Variants in KCNN2 observed in about 807,000 individuals in gnomAD.
KCNN2 encodes the protein potassium calcium-activated channel subfamily N member 2.
In KCNN2, 24 loss-of-function variants were observed where a neutral mutation model predicts 55.5. The observed-to-expected ratio is 0.43, with a 90% CI of 0.31 to 0.61. The LOEUF (loss-of-function observed/expected upper bound fraction) is 0.61. Among genes scored for constraint, KCNN2 ranks in the 20% least tolerant of loss-of-function variants. The probability of loss-of-function intolerance (pLI) is 0.08; values close to 1 mark genes in which losing one functional copy is unlikely to be tolerated. For synonymous variants in KCNN2, 431 were observed against 336.1 expected (o/e 1.28, Z -3.09); for missense variants, 754 against 853.6 (o/e 0.88, Z 1.45).
chr5:114,264,923 A>G (rs141900110), intron 2 of KCNN2, among the ~76,000 whole-genome samples: 135 of 152,196 alleles, frequency 8.9e-4, no homozygotes, highest in South Asian at 6.0e-3. Context: ...GGTAAATTTT[A>G]CCTATTGCCT....
intron 1 of KCNN2, among the ~76,000 whole-genome samples, chr5:114,162,130 GT>G (rs1752799377): frequency 6.6e-6 from 1 of 152,124 alleles, no homozygotes; most frequent in African/African-American, 2.4e-5. Flanking sequence ...CATCTTTGTG[GT>G]TTTATCTACC....
intron 1 of KCNN2, among the ~76,000 whole-genome samples, chr5:114,168,533 G>C (rs947274534): frequency 2.6e-5 from 4 of 151,960 alleles, no homozygotes; most frequent in Non-Finnish European, 2.9e-5. Flanking sequence ...GCTAGTATTA[G>C]AGTCATTTGC....
intron 4 of KCNN2, among the ~76,000 whole-genome samples, chr5:114,470,418 G>T (rs371693945): frequency 5.9e-5 from 9 of 152,256 alleles, no homozygotes; most frequent in Admixed American, 4.6e-4. Context: ...GTACCTAGGA[G>T]CATATCTACA....
intron 1 of KCNN2, among the ~76,000 whole-genome samples, chr5:114,209,100 A>G (rs960338156): frequency 6.0e-5 from 9 of 149,424 alleles, no homozygotes; most frequent in Non-Finnish European, 1.0e-4. Flanking sequence ...TCTGTTGCCC[A>G]GGCTGGAGTG....
At chr5:114,481,823 G>C (rs181223926) in intron 5 of KCNN2, among the ~76,000 whole-genome samples, 1 of 152,288 alleles carries the variant, frequency 6.6e-6, no homozygotes, top group East Asian at 1.9e-4. Flanking sequence ...GGGAGATCTG[G>C]CTAGCTATAT....
intron 5 of KCNN2, among the ~76,000 whole-genome samples, chr5:114,479,737 C>T (rs1257711945): frequency 2.0e-5 from 3 of 152,166 alleles, no homozygotes; most frequent in African/African-American, 7.2e-5. Context: ...CTCAAAACCA[C>T]ACCACAACTA....
chr5:114,477,955 T>TC (rs768492292), intron 5 of KCNN2, among the ~76,000 whole-genome samples: 1 of 152,186 alleles, frequency 6.6e-6, no homozygotes, highest in Non-Finnish European at 1.5e-5. Context: ...GGAACAGAAA[T>TC]TCTAAAGGAT....
intron 2 of KCNN2, among the ~76,000 whole-genome samples, chr5:114,233,339 G>A (rs1754402454): frequency 6.6e-6 from 1 of 152,052 alleles, no homozygotes; most frequent in Admixed American, 6.5e-5. Flanking sequence ...ATTTGATTAT[G>A]TTTTACATCT....
intron 1 of KCNN2, among the ~76,000 whole-genome samples, chr5:114,082,094 A>G (rs1185684578): frequency 6.6e-6 from 1 of 152,114 alleles, no homozygotes; most frequent in Non-Finnish European, 1.5e-5. Context: ...GATACCTATA[A>G]TCCCAGTACT....
Position 114,290,541 on chromosome 5 carries a change from C to A in KCNN2, c.-185+68976C>A, listed in dbSNP as rs557008699. Among the ~76,000 whole-genome samples the A allele has an allele frequency of 3.9e-5, 6 of 151,922 alleles. No individual in the cohort carries two copies. The South Asian group carries it at 1.0e-3, about 26-fold the overall frequency. ...TTCATTGATTTTTTTAAAGGAACAA[C>A]TTTTGTTTCATTTATTTTCTTCATT... On this transcript the variant is annotated intron_variant, in intron 2 of 10. Transcript: ENST00000512097.
At chr5:114,175,900 G>A (rs1753123126) in intron 1 of KCNN2, among the ~76,000 whole-genome samples, 1 of 152,166 alleles carries the variant, frequency 6.6e-6, no homozygotes, top group South Asian at 2.1e-4. Flanking sequence ...TGACTTGCAA[G>A]CTTTATCTCC....
chr5:114,370,961 G>A, intron 2 of KCNN2, among the ~76,000 whole-genome samples: 1 of 108,558 alleles, frequency 9.2e-6, no homozygotes, highest in East Asian at 6.6e-4. Flanking sequence ...TTGTTGGCAA[G>A]CTGATTCATA....
chr5:114,090,577 G>GTATATATATATACATATATATGTATGTA (rs3070915), intron 1 of KCNN2, among the ~76,000 whole-genome samples: 2 of 148,918 alleles, frequency 1.3e-5, no homozygotes, highest in Non-Finnish European at 3.0e-5. Context: ...ATATATGTAT[G>GTATATATATATACATATATATGTATGTA]TATATATATA....
intron 1 of KCNN2, among the ~76,000 whole-genome samples, chr5:114,123,796 A>G (rs779246459): frequency 6.6e-6 from 1 of 152,112 alleles, no homozygotes; most frequent in African/African-American, 2.4e-5. Flanking sequence ...CTTACACTGT[A>G]TGCTCCTACT....
In KCNN2 at chr5:114,404,865, GT is replaced by G; in HGVS notation, c.1637+12del. 1 of 1,594,284 alleles carries G rather than the reference GT, an allele frequency of 6.3e-7. No individual in the cohort carries two copies. Among genetic ancestry groups the G allele is most frequent in the Non-Finnish European group, 8.6e-7 (1 of 1,168,312 alleles). ...GTCCGAGCTTGTGAAAGGTAAGTTT[GT>G]TTCTTTTCCTGAGAACATAATTTAC... is the stretch of plus-strand genomic sequence containing the variant. On this transcript the variant is annotated intron_variant, in intron 3 of 7. Coordinates refer to ENST00000673685, the MANE Select transcript of KCNN2 (RefSeq NM_021614.4).
chr5:114,202,262 G>A (rs764391671), intron 1 of KCNN2, among the ~76,000 whole-genome samples: 1 of 151,966 alleles, frequency 6.6e-6, no homozygotes, highest in Non-Finnish European at 1.5e-5. Flanking sequence ...TGTATGCCAG[G>A]CATAAGGATC....
chr5:114,068,364 A>C (rs1468874972), intron 1 of KCNN2, among the ~76,000 whole-genome samples: 1 of 152,236 alleles, frequency 6.6e-6, no homozygotes, highest in South Asian at 2.1e-4. Context: ...GAGTTAATTG[A>C]AAATGTATGG....
At chr5:114,326,343 G>A (rs1352779549) in intron 2 of KCNN2, among the ~76,000 whole-genome samples, 4 of 152,172 alleles carry the variant, frequency 2.6e-5, no homozygotes. Context: ...AAAGTGGGAG[G>A]TGCGATCTGA....
At chr5:114,272,280 C>CACACACATGTATGTACATATCAT (rs1237105042) in intron 2 of KCNN2, among the ~76,000 whole-genome samples, 22 of 53,996 alleles carry the variant, frequency 4.1e-4, no homozygotes, top group African/African-American at 1.1e-3. Flanking sequence ...GTACATATCA[C>CACACACATGTATGTACATATCAT]ACACACATAT....
Sources: allele counts gnomAD v4.1 joint callset (sites outside exome capture counted in the v4.1 genomes callset), GRCh38; gene constraint gnomAD v4.1.1; transcripts MANE v1.5; gene names NCBI Gene and HGNC (gene_info 2026-07-23, HGNC 2026-07-21).